Variants in FAM184A observed in about 807,000 individuals in gnomAD.
FAM184A encodes the protein protein FAM184A.
FAM184A carries 99 observed loss-of-function variants against 143.8 expected under a neutral mutation model. The ratio of observed to expected loss-of-function variants is 0.69; its 90% CI spans 0.58 to 0.81. FAM184A has a LOEUF of 0.81. Among genes scored for constraint, FAM184A ranks in the 40% least tolerant of loss-of-function variants. FAM184A has a pLI of 0.00. For missense variants in FAM184A, 1,217 were observed against 1,310.5 expected, an observed-to-expected ratio of 0.93 and a Z score of 1.10; for synonymous variants, 427 against 446.4, an observed-to-expected ratio of 0.96 and a Z score of 0.55.
intron 1 of FAM184A, among the ~76,000 whole-genome samples, chr6:119,117,150 T>C (rs1028915330): frequency 6.6e-6 from 1 of 152,110 alleles, no homozygotes; most frequent in African/African-American, 2.4e-5. Context: ...GGCTAGGGGA[T>C]TGGGAGTGGG....
intron 1 of FAM184A, among the ~76,000 whole-genome samples, chr6:119,107,792 A>AAAAAGAAAG (rs763545394): frequency 1.5e-5 from 2 of 136,456 alleles, no homozygotes; most frequent in Non-Finnish European, 3.1e-5. Context: ...AAAAAAAAAA[A>AAAAAGAAAG]AAAGAAAGAA....
chr6:119,092,232 G>C (rs1468215996), intron 1 of FAM184A, among the ~76,000 whole-genome samples: 1 of 152,152 alleles, frequency 6.6e-6, no homozygotes, highest in Non-Finnish European at 1.5e-5. Flanking sequence ...CGACCTTCCA[G>C]GCTAAAGCAA....
intron 11 of FAM184A, 36 bp from the exon 12 acceptor site, chr6:118,976,080 TA>T (rs1194629150): frequency 1.9e-6 from 3 of 1,594,226 alleles, no homozygotes; most frequent in African/African-American, 2.7e-5. Context: ...TTGGCACATT[TA>T]AAAAATATTA....
chr6:119,051,212 G>C (rs1279456575), intron 1 of FAM184A, among the ~76,000 whole-genome samples: 3 of 152,174 alleles, frequency 2.0e-5, no homozygotes, highest in Non-Finnish European at 4.4e-5. Flanking sequence ...AAAAAAGAAT[G>C]AGACTCAGTC....
chr6:119,017,078 A>C (rs1785283110), intron 4 of FAM184A, 134 bp from the exon 5 acceptor site: 1 of 632,684 alleles, frequency 1.6e-6, no homozygotes, highest in East Asian at 2.7e-5. Context: ...AAACATGACA[A>C]CAAATCATTA....
rs909266097 is a variant in FAM184A at position 118,964,517 on chromosome 6, A to C, written c.3138+150T>G. On this transcript the variant is annotated intron_variant, in intron 16 of 17. Transcript: ENST00000338891. ...AGTTTCATTCTTAAAATGAACATAT[A>C]AATAATTCATAAGTTTTAGTGCTAG... The C allele has an allele frequency of 2.6e-5, 12 of 453,700 alleles. No homozygotes were observed. The Admixed American group carries it at 4.1e-4, about 15-fold the overall frequency. 28.1% of individuals were successfully genotyped at this position (453,700 alleles called of 1,614,324 possible). A position where few individuals can be genotyped will look rare whatever the true frequency, so the allele number is the denominator to read the frequency against.
chr6:119,078,465 CCCCT>C lies in FAM184A; in HGVS notation c.-170_-167del. The C allele has an allele frequency of 3.3e-6, 2 of 614,756 alleles. No homozygotes were observed. The highest frequency in any genetic ancestry group is 4.9e-6 in the Non-Finnish European group (2 of 404,848). 38.1% of individuals were successfully genotyped at this position (614,756 alleles called of 1,614,324 possible). ...CGTCCCACCCGCGACCCCCGGGTCA[CCCCT>C]GGAAGGGACGGGGCGGTCCCGCCGG... On this transcript the variant is annotated 5_prime_UTR_variant, in exon 1 of 18. Coordinates refer to ENST00000338891, the MANE Select transcript of FAM184A (RefSeq NM_024581.6). The surrounding 1 kb of genome is among the most constrained non-coding windows in gnomAD (Gnocchi z 5.5).
intron 1 of FAM184A, among the ~76,000 whole-genome samples, chr6:119,103,148 C>T (rs990797453): frequency 6.6e-6 from 1 of 152,164 alleles, no homozygotes; most frequent in African/African-American, 2.4e-5. Context: ...AGAGAAGGGC[C>T]TGCTTTCTAC....
chr6:119,101,484 C>T (rs1788636576), intron 1 of FAM184A, among the ~76,000 whole-genome samples: 1 of 152,120 alleles, frequency 6.6e-6, no homozygotes, highest in Non-Finnish European at 1.5e-5. Context: ...GTTAAATATT[C>T]CCCTGTAAGG....
chr6:118,990,244 T>C (rs992938986), intron 9 of FAM184A, among the ~76,000 whole-genome samples: 5 of 152,240 alleles, frequency 3.3e-5, no homozygotes, highest in Non-Finnish European at 7.3e-5. Context: ...AGACAAAATA[T>C]GTATGTTATT....
intron 1 of FAM184A, among the ~76,000 whole-genome samples, chr6:119,134,142 A>G (rs1414710048): frequency 2.6e-5 from 4 of 152,144 alleles, no homozygotes; most frequent in Admixed American, 1.3e-4. Context: ...CACTCAAACT[A>G]TTGACAAAAG....
intron 14 of FAM184A, 131 bp downstream of exon 14, chr6:118,974,296 TA>T: frequency 1.4e-6 from 1 of 738,304 alleles, no homozygotes. Flanking sequence ...TTACCATCTG[TA>T]ACACAGCACT....
chr6:119,105,361 C>T (rs1788752126), intron 1 of FAM184A, among the ~76,000 whole-genome samples: 1 of 152,104 alleles, frequency 6.6e-6, no homozygotes, highest in Admixed American at 6.6e-5. Context: ...TTCCCCTCTG[C>T]TGTTCTCGGG....
chr6:119,129,271 G>A (rs1425821041), intron 1 of FAM184A, among the ~76,000 whole-genome samples: 4 of 152,222 alleles, frequency 2.6e-5, no homozygotes, highest in East Asian at 1.9e-4. Context: ...GACCTCCTGA[G>A]GATCTGTGGC....
chr6:119,133,801 T>C (rs1166217523), intron 1 of FAM184A, among the ~76,000 whole-genome samples: 1 of 151,998 alleles, frequency 6.6e-6, no homozygotes, highest in Non-Finnish European at 1.5e-5. Flanking sequence ...CCACCACACC[T>C]GGCTAATTAT....
At chr6:118,971,296 TAAAC>T (rs1046329293) in intron 14 of FAM184A, among the ~76,000 whole-genome samples, 5 of 152,172 alleles carry the variant, frequency 3.3e-5, no homozygotes, top group African/African-American at 9.7e-5. Context: ...ACTCAAAACT[TAAAC>T]AAAAAATTAG....
chr6:118,995,360 A>G lies in FAM184A; in HGVS notation c.2088+7539T>C, dbSNP rs557004472. Among the ~76,000 whole-genome samples, 14 of 152,306 alleles carry G rather than the reference A, an allele frequency of 9.2e-5. 1 individual carries two copies. Among genetic ancestry groups the G allele is most frequent in the African/African-American group, 2.9e-4 (12 of 41,564 alleles). On this transcript the variant is annotated intron_variant, in intron 9 of 17. Transcript: ENST00000338891. ...CTTGAGCCTGAAAAGTTGAGGGTGCAGTGAGCCATGATTGTGCCACTGCAC... is the reference window on the plus strand; with the variant it reads ...CTTGAGCCTGAAAAGTTGAGGGTGCGGTGAGCCATGATTGTGCCACTGCAC...
chr6:118,982,268 C>T (rs953415654), intron 9 of FAM184A, among the ~76,000 whole-genome samples: 3 of 152,120 alleles, frequency 2.0e-5, no homozygotes, highest in African/African-American at 4.8e-5. Context: ...CCGGTAGAGC[C>T]GTTCTCTTCC....
At chr6:119,089,186 C>CTTTATTTATTTA (rs78123118) in intron 1 of FAM184A, among the ~76,000 whole-genome samples, 18 of 142,380 alleles carry the variant, frequency 1.3e-4, no homozygotes, top group African/African-American at 3.3e-4. Flanking sequence ...ATCTCTCTCT[C>CTTTATTTATTTA]TTTATTTATT....
Sources: gnomAD v4.1 joint callset for allele counts (sites outside exome capture counted in the v4.1 genomes callset) on GRCh38, gnomAD v4.1.1 for gene constraint, Gnocchi (gnomAD v3.1) non-coding constraint, MANE v1.5 for transcripts, NCBI Gene and HGNC (gene_info 2026-07-23, HGNC 2026-07-21) for gene names.